Variants in CARMIL1 observed in about 807,000 individuals in gnomAD.
CARMIL1 encodes the protein F-actin-uncapping protein LRRC16A.
Under a neutral mutation model 177.1 loss-of-function variants are expected in CARMIL1, and 90 were observed. That is an observed-to-expected ratio of 0.51 (90% CI 0.43 to 0.61). The LOEUF (loss-of-function observed/expected upper bound fraction) is 0.61, where lower values mean the gene tolerates loss of function less well. Among genes scored for constraint, CARMIL1 ranks in the 20% least tolerant of loss-of-function variants. CARMIL1 has a pLI of 0.00. For missense variants in CARMIL1, 1,380 were observed against 1,667.0 expected, an observed-to-expected ratio of 0.83 and a Z score of 3.00; for synonymous variants, 577 against 606.2, an observed-to-expected ratio of 0.95 and a Z score of 0.71.
intron 8 of CARMIL1, among the ~76,000 whole-genome samples, chr6:25,455,467 T>C (rs1799422013): frequency 6.6e-6 from 1 of 152,216 alleles, no homozygotes; most frequent in African/African-American, 2.4e-5. Flanking sequence ...AGTCAAACCA[T>C]AGTCCCAGAA....
At chr6:25,563,408 G>T in intron 29 of CARMIL1, 1 of 985,244 alleles carries the variant, frequency 1.0e-6, no homozygotes, top group Non-Finnish European at 1.2e-6. Context: ...TGTAATTCTT[G>T]TCTGTATATA....
At chr6:25,471,330 A>ATT in intron 10 of CARMIL1, 73 bp downstream of exon 10, 6 of 1,007,974 alleles carry the variant, frequency 6.0e-6, no homozygotes, top group South Asian at 3.6e-5. Flanking sequence ...ATTAATTCAT[A>ATT]GTTTTTTTTT....
chr6:25,488,211 T>C (rs1421040134), intron 12 of CARMIL1, among the ~76,000 whole-genome samples: 2 of 152,214 alleles, frequency 1.3e-5, no homozygotes, highest in South Asian at 2.1e-4. Flanking sequence ...TAAAATCCTT[T>C]CTGTCCTTGG....
At chr6:25,360,667 G>C (rs1789100999) in intron 2 of CARMIL1, among the ~76,000 whole-genome samples, 1 of 152,196 alleles carries the variant, frequency 6.6e-6, no homozygotes, top group Non-Finnish European at 1.5e-5. Context: ...GGAGAGATTT[G>C]GCCCTGTGAT....
chr6:25,348,048 C>T (rs998362921), intron 2 of CARMIL1, among the ~76,000 whole-genome samples: 2 of 152,162 alleles, frequency 1.3e-5, no homozygotes, highest in African/African-American at 2.4e-5. Flanking sequence ...CCAGTTTGGC[C>T]ACAGGCTCAT....
intron 4 of CARMIL1, among the ~76,000 whole-genome samples, chr6:25,428,338 C>T (rs1239172177): frequency 2.0e-5 from 3 of 151,936 alleles, no homozygotes; most frequent in African/African-American, 4.8e-5. Flanking sequence ...TTCTGTAGTC[C>T]GTTTAAGTGT....
intron 2 of CARMIL1, among the ~76,000 whole-genome samples, chr6:25,395,856 A>T (rs1018367654): frequency 4.6e-5 from 7 of 152,236 alleles, no homozygotes; most frequent in African/African-American, 1.7e-4. Context: ...CCGGGGAATG[A>T]AGCCTGTTGT....
intron 23 of CARMIL1, among the ~76,000 whole-genome samples, chr6:25,522,491 G>A (rs1806672763): frequency 6.6e-6 from 1 of 152,170 alleles, no homozygotes; most frequent in South Asian, 2.1e-4. Flanking sequence ...AGCTTTCCTG[G>A]TGTTTGTAAG....
At chr6:25,501,992 T>TAAAAAAAAAAAAAA (rs34408599) in intron 17 of CARMIL1, among the ~76,000 whole-genome samples, 1 of 97,258 alleles carries the variant, frequency 1.0e-5, no homozygotes, top group Non-Finnish European at 2.0e-5. Flanking sequence ...AGACATATTG[T>TAAAAAAAAAAAAAA]AAAAAAAAAA....
intron 2 of CARMIL1, among the ~76,000 whole-genome samples, chr6:25,320,907 G>T (rs892066173): frequency 6.6e-6 from 1 of 152,172 alleles, no homozygotes; most frequent in Non-Finnish European, 1.5e-5. Flanking sequence ...TTAAAAAATT[G>T]CCAAAAAAAT....
chr6:25,427,676 C>T (rs1336624076), intron 4 of CARMIL1, among the ~76,000 whole-genome samples: 2 of 152,170 alleles, frequency 1.3e-5, no homozygotes, highest in Non-Finnish European at 2.9e-5. Context: ...TTGTCCCCAG[C>T]AGCATATGAG....
At chr6:25,354,967 A>G (rs141242269) in intron 2 of CARMIL1, among the ~76,000 whole-genome samples, 74 of 152,280 alleles carry the variant, frequency 4.9e-4, no homozygotes, top group African/African-American at 1.8e-3. Flanking sequence ...GATGTCAGTG[A>G]AAAGTCATCC....
intron 2 of CARMIL1, among the ~76,000 whole-genome samples, chr6:25,292,850 T>C (rs889924357): frequency 1.3e-4 from 20 of 152,072 alleles, no homozygotes; most frequent in Admixed American, 1.3e-4. Context: ...AGGGACATTG[T>C]GGACATTAAG....
At chr6:25,420,044 G>T in intron 2 of CARMIL1, 70 bp from the exon 3 acceptor site, 1 of 1,206,450 alleles carries the variant, frequency 8.3e-7, no homozygotes, top group Non-Finnish European at 1.2e-6. Flanking sequence ...TTAAAGTCCC[G>T]TGGAAACACC....
chr6:25,304,403 GT>G (rs571229999), intron 2 of CARMIL1, among the ~76,000 whole-genome samples: 51 of 152,328 alleles, frequency 3.3e-4, no homozygotes, highest in Admixed American at 9.8e-4. Flanking sequence ...CCAGGGAGTA[GT>G]TTTGTGGAAG....
At chr6:25,559,547 G>A (rs567286952) in intron 29 of CARMIL1, among the ~76,000 whole-genome samples, 1 of 127,660 alleles carries the variant, frequency 7.8e-6, no homozygotes, top group Non-Finnish European at 1.6e-5. Flanking sequence ...CCCCTGGTGG[G>A]TAGAATTTGT....
At chr6:25,337,880 C>G (rs1786437585) in intron 2 of CARMIL1, among the ~76,000 whole-genome samples, 1 of 152,078 alleles carries the variant, frequency 6.6e-6, no homozygotes, top group Admixed American at 6.5e-5. Context: ...CATTTTTTAA[C>G]AAAAAGGTGT....
chr6:25,328,386 C>T (rs1253638175), intron 2 of CARMIL1, among the ~76,000 whole-genome samples: 2 of 152,018 alleles, frequency 1.3e-5, no homozygotes, highest in Non-Finnish European at 2.9e-5. Flanking sequence ...TCAAGACTGG[C>T]TAGGAGTTTT....
intron 26 of CARMIL1, among the ~76,000 whole-genome samples, chr6:25,550,568 G>T (rs1049970043): frequency 9.2e-5 from 14 of 152,142 alleles, no homozygotes; most frequent in Admixed American, 2.6e-4. Context: ...ACAAGTTCTT[G>T]TGGTAAGGGG....
Sources: gnomAD v4.1 joint callset for allele counts (sites outside exome capture counted in the v4.1 genomes callset) on GRCh38, gnomAD v4.1.1 for gene constraint, MANE v1.5 for transcripts, NCBI Gene and HGNC (gene_info 2026-07-23, HGNC 2026-07-21) for gene names.